BLK: variants seen among roughly 807,000 people sequenced by gnomAD.
BLK encodes tyrosine-protein kinase Blk.
BLK carries 64 observed loss-of-function variants against 61.8 expected under a neutral mutation model. That is an observed-to-expected ratio of 1.03 (90% confidence interval 0.85 to 1.27). The LOEUF is 1.27. BLK is among the 50% of genes most tolerant of loss of function. BLK has a pLI of 0.00. For missense variants in BLK, 853 were observed against 660.5 expected, an observed-to-expected ratio of 1.29 and a Z score of -3.19; for synonymous variants, 351 against 272.0, an observed-to-expected ratio of 1.29 and a Z score of -2.86.
At chr8:11,512,363 C>T (rs1205841914) in intron 1 of BLK, among the ~76,000 whole-genome samples, 1 of 152,186 alleles carries the variant, frequency 6.6e-6, no homozygotes, top group African/African-American at 2.4e-5. Flanking sequence ...TCATTATAAG[C>T]ACGTAAAATT....
At chr8:11,504,417 A>AAAGAAAAGAAAAGAAAAG (rs1563420851) in intron 1 of BLK, among the ~76,000 whole-genome samples, 3 of 139,700 alleles carry the variant, frequency 2.1e-5, no homozygotes, top group African/African-American at 5.4e-5. Context: ...AAAAGAAAAA[A>AAAGAAAAGAAAAGAAAAG]AAAAGAAAAG....
rs542354024 is a variant in BLK, at chr8:11,561,352, C to A, written c.1080C>A (p.Asp360Glu). The change falls in exon 11 of 13, where the codon GAC (aspartate) becomes GAA (glutamate). Residue 360 changes from aspartate (D) to glutamate (E), a missense_variant. Asp to Glu is a conservative substitution (Grantham distance 45). Coordinates refer to ENST00000259089, the MANE Select transcript of BLK (RefSeq NM_001715.3). ...YIERMNSIHR[D>E]LRAANILVSE... ...AGCGCATGAATTCCATCCACCGCGA[C>A]CTGCGGGCGGCCAACATCCTGGTGT... 4 of 1,614,028 alleles carry A rather than the reference C, an allele frequency of 2.5e-6. No individual in the cohort carries two copies. The South Asian group carries it at 3.3e-5, about 13-fold the overall frequency.
At chr8:11,521,799 G>T (rs913550489) in intron 1 of BLK, among the ~76,000 whole-genome samples, 5 of 152,090 alleles carry the variant, frequency 3.3e-5, no homozygotes, top group African/African-American at 1.2e-4. Flanking sequence ...ACACTCCCTG[G>T]TCCGTTCCAT....
chr8:11,560,218 C>T (rs62490885), intron 10 of BLK: 1 of 76,350 alleles, frequency 1.3e-5, no homozygotes, highest in Admixed American at 2.1e-4. Context: ...TGGATGGATG[C>T]ATGCATGGAT....
At position 11,512,421 on chromosome 8, in the gene BLK, A is replaced by C. The variant is rs563763241; in HGVS notation, c.-2+17830A>C. Among the ~76,000 whole-genome samples, 4 of 152,360 alleles carry C rather than the reference A, an allele frequency of 2.6e-5. No homozygotes were observed. In the South Asian group the frequency reaches 8.3e-4, roughly 32 times the overall value. On this transcript the variant is annotated intron_variant, in intron 1 of 12. Transcript: ENST00000259089. ...AAATCACTCTGACGACATGTCAGCC[A>C]TCTGACACAGATGTGGATAGTCTGA...
rs557257849 is a variant in BLK, at chr8:11,557,860, C to T, written c.953-102C>T. 1.9e-4 allele frequency: 189 copies of T among 993,212 alleles called. 1 individual carries two copies. In the African/African-American group the frequency reaches 2.7e-3, roughly 14 times the overall value. 61.5% of individuals were successfully genotyped at this position (993,212 alleles called of 1,614,324 possible). On this transcript the variant is annotated intron_variant, in intron 9 of 12. Transcript: ENST00000259089. ...CGAGAGATCTGAGGGTGCAAACTCC[C>T]ACTTCCCGCGCCCATGGGGAGCCAC...
chr8:11,522,809 A>G (rs981260085), intron 1 of BLK, among the ~76,000 whole-genome samples: 1 of 152,200 alleles, frequency 6.6e-6, no homozygotes, highest in African/African-American at 2.4e-5. Flanking sequence ...TAAAACATAC[A>G]GAGTAGCAAT....
intron 12 of BLK, 52 bp downstream of exon 12, chr8:11,563,162 G>A (rs1295347630): frequency 6.2e-7 from 1 of 1,611,794 alleles, no homozygotes; most frequent in Non-Finnish European, 8.5e-7. Flanking sequence ...GGCCGGCCCT[G>A]ATGGCAGGTC....
rs1414630680 is a variant in BLK, at chr8:11,561,306, C to T, written c.1034C>T (p.Ala345Val). ...ACCATGTGCCTGTTCCCTCAGATTG[C>T]TGAAGGGATGGCATACATTGAGCGC... ...PRLIDMSAQI[A>V]EGMAYIERMN... is the part of the protein sequence containing the mutation. Residue 345 changes from alanine (A) to valine (V), a missense_variant, in exon 11 of 13, where the codon GCT becomes GTT. Ala to Val is a moderately conservative substitution (Grantham distance 64). Coordinates refer to ENST00000259089, the MANE Select transcript of BLK (RefSeq NM_001715.3). 2.5e-6 allele frequency: 4 copies of T among 1,613,158 alleles called. No individual in the cohort carries two copies. Among genetic ancestry groups the T allele is most frequent in the South Asian group, 1.1e-5 (1 of 90,792 alleles).
chr8:11,550,227 G>C lies in BLK; in HGVS notation c.437G>C (p.Gly146Ala), dbSNP rs750524454. The C allele has an allele frequency of 1.9e-6, 3 of 1,614,080 alleles. No individual in the cohort carries two copies. In the Admixed American group the frequency reaches 5.0e-5, roughly 27 times the overall value. The change falls in exon 6 of 13, where the codon GGC becomes GCC. Residue 146 changes from glycine (G) to alanine (A), a missense_variant. Physicochemically the swap from Gly to Ala is moderately conservative, Grantham distance 60. Transcript: ENST00000259089. ...RQLLAPINKA[G>A]SFLIRESETN... is the part of the protein sequence containing the mutation. ...CTTCTTGCTCCAATCAACAAGGCCG[G>C]CTCCTTTCTTATCAGAGAGAGTGAA...
chr8:11,516,864 G>A (rs931261395), intron 1 of BLK, among the ~76,000 whole-genome samples: 5 of 152,200 alleles, frequency 3.3e-5, no homozygotes, highest in African/African-American at 1.2e-4. Flanking sequence ...TTTAGCCACT[G>A]AGCAACACTG....
intron 12 of BLK, among the ~76,000 whole-genome samples, chr8:11,563,671 CAGG>C (rs1801593839): frequency 6.6e-6 from 1 of 152,226 alleles, no homozygotes; most frequent in African/African-American, 2.4e-5. Context: ...GCCCCGTACT[CAGG>C]AGAAAATCTA....
chr8:11,555,579 C>T (rs767782748), intron 8 of BLK, 95 bp downstream of exon 8: 7 of 1,564,812 alleles, frequency 4.5e-6, no homozygotes, highest in Middle Eastern at 1.9e-4. Flanking sequence ...TGTCATCCCT[C>T]CCCCAGAAGT....
intron 1 of BLK, among the ~76,000 whole-genome samples, chr8:11,500,410 G>T (rs138543305): frequency 0.1 from 15,159 of 151,786 alleles, 1,014 homozygotes; most frequent in Non-Finnish European, 0.15. Flanking sequence ...TGGCCAGGCT[G>T]GTCTCAAACT....
intron 8 of BLK, 99 bp from the exon 9 acceptor site, chr8:11,556,559 T>A: frequency 7.0e-7 from 1 of 1,422,094 alleles, no homozygotes. Context: ...GCACCTGGAA[T>A]GGGGTGGCAC....
At chr8:11,545,915 C>A (rs1800612640) in intron 2 of BLK, 137 bp from the exon 3 acceptor site, 2 of 895,160 alleles carry the variant, frequency 2.2e-6, no homozygotes, top group South Asian at 1.3e-5. Flanking sequence ...CCCTGAGCAG[C>A]CCCCACAGGC....
At chr8:11,525,992 C>G (rs1040797117) in intron 1 of BLK, among the ~76,000 whole-genome samples, 1 of 152,170 alleles carries the variant, frequency 6.6e-6, no homozygotes, top group Non-Finnish European at 1.5e-5. Flanking sequence ...AGGCTGGTCT[C>G]GAACTCCTAT....
intron 6 of BLK, chr8:11,553,291 A>G (rs1801004681): frequency 2.9e-6 from 1 of 344,340 alleles, no homozygotes; most frequent in South Asian, 2.4e-5. Context: ...TCACAGCTCA[A>G]AGGCAGGCGG....
intron 3 of BLK, among the ~76,000 whole-genome samples, chr8:11,547,318 G>C (rs540931304): frequency 1.3e-5 from 2 of 152,372 alleles, no homozygotes; most frequent in South Asian, 4.1e-4. Flanking sequence ...CTCAGTGACA[G>C]AGCGGAGCCA....
Sources: gnomAD v4.1 joint callset for allele counts (sites outside exome capture counted in the v4.1 genomes callset) on GRCh38, gnomAD v4.1.1 for gene constraint, MANE v1.5 for transcripts, NCBI Gene and HGNC (gene_info 2026-07-23, HGNC 2026-07-21) for gene names.